NCF4: variants seen among roughly 807,000 people sequenced by gnomAD.
The protein encoded by NCF4 is neutrophil cytosolic factor 4.
A neutral mutation model predicts 41.7 loss-of-function variants in NCF4; 30 were observed. The observed-to-expected ratio is 0.72, with a 90% CI of 0.54 to 0.97. The LOEUF (loss-of-function observed/expected upper bound fraction) is 0.97. NCF4 is among the 50% of genes least tolerant of loss of function. The pLI, the probability that NCF4 is intolerant of heterozygous loss-of-function variation, is 0.00. For missense variants in NCF4, 432 were observed against 460.9 expected (o/e 0.94, Z 0.57); for synonymous variants, 195 against 175.8 (o/e 1.11, Z -0.87).
At chr22:36,869,136 C>A (rs1429041617) in intron 4 of NCF4, among the ~76,000 whole-genome samples, 2 of 152,148 alleles carry the variant, frequency 1.3e-5, no homozygotes, top group African/African-American at 2.4e-5. Flanking sequence ...TGTGACAGAG[C>A]AGTTAGGTAG....
intron 7 of NCF4, 82 bp from the exon 8 acceptor site, chr22:36,875,571 C>A: frequency 7.5e-7 from 1 of 1,340,386 alleles, no homozygotes; most frequent in Non-Finnish European, 1.1e-6. Flanking sequence ...TTCCCCATCA[C>A]TAGAACGGGG....
At chr22:36,864,835 C>G in intron 2 of NCF4, 84 bp from the exon 3 acceptor site, 1 of 1,539,670 alleles carries the variant, frequency 6.5e-7, no homozygotes, top group Non-Finnish European at 8.9e-7. Flanking sequence ...CTTCCTCCTC[C>G]TCCTCCTCCC....
chr22:36,863,049 T>C (rs1351096746), intron 1 of NCF4, among the ~76,000 whole-genome samples: 1 of 152,184 alleles, frequency 6.6e-6, no homozygotes, highest in African/African-American at 2.4e-5. Flanking sequence ...GAGCGGATAT[T>C]CCAGGGGACT....
At chr22:36,862,766 T>A (rs1939805830) in intron 1 of NCF4, among the ~76,000 whole-genome samples, 1 of 152,200 alleles carries the variant, frequency 6.6e-6, no homozygotes, top group South Asian at 2.1e-4. Flanking sequence ...CAGCGGGGAC[T>A]TTCTAGAACC....
intron 5 of NCF4, among the ~76,000 whole-genome samples, chr22:36,871,042 G>A (rs967203838): frequency 5.3e-5 from 8 of 152,160 alleles, no homozygotes; most frequent in African/African-American, 9.7e-5. Context: ...CAAGCCACTC[G>A]TAGACTGCTG....
chr22:36,875,546 G>T, intron 7 of NCF4, 107 bp from the exon 8 acceptor site: 2 of 1,017,426 alleles, frequency 2.0e-6, no homozygotes, highest in Non-Finnish European at 3.0e-6. Flanking sequence ...AAGAAGACCC[G>T]GACCTCATCT....
chr22:36,864,106 AAG>A lies in NCF4; in HGVS notation c.99_100del (p.Gly34LeufsTer93). On this transcript the variant is annotated frameshift_variant, in exon 2 of 10. Transcript: ENST00000248899. LOFTEE classifies it high-confidence loss of function. ...ISANIADIEE[K>X]RGFTSHFVFV... ...GGCCAACATTGCTGACATCGAGGAGAAGAGAGGCTTCACCAGCCACTTTGTAA... is the reference window on the plus strand; with the variant it reads ...GGCCAACATTGCTGACATCGAGGAGAAGAGGCTTCACCAGCCACTTTGTAA... The A allele has an allele frequency of 6.2e-7, 1 of 1,613,982 alleles. No homozygotes were observed. Among genetic ancestry groups the A allele is most frequent in the Non-Finnish European group, 8.5e-7 (1 of 1,179,910 alleles).
chr22:36,877,778 C>T lies in NCF4; in HGVS notation c.975C>T (p.His325=), dbSNP rs1940226888. 2.5e-6 allele frequency: 4 copies of T among 1,613,964 alleles called. No homozygotes were observed. The highest frequency in any genetic ancestry group is 3.3e-5 in the Admixed American group (2 of 59,996). Residue 325 remains histidine (H), a synonymous_variant, in exon 10 of 10, where the codon CAC becomes CAT. Transcript: ENST00000248899. The part of the protein sequence containing the change: ...SQKRLFPWKL[H]ITQKDNYRVY... ...AGCGCCTCTTCCCCTGGAAGCTGCA[C>T]ATCACGCAGAAGGACAACTACAGGG...
Position 36,875,738 on chromosome 22 carries a change from A to G in NCF4, c.713A>G (p.Asn238Ser). ...TTCCCTGAGGAGGACGACCCCACCA[A>G]CTGGCTGCGTTGCTACTACTACGAA... ...KDFPEEDDPT[N>S]WLRCYYYEDT... Residue 238 changes from asparagine (N) to serine (S), a missense_variant, in exon 8 of 10, where the codon AAC (asparagine) becomes AGC (serine). Coordinates refer to ENST00000248899, the MANE Select transcript of NCF4 (RefSeq NM_000631.5). The G allele has an allele frequency of 6.8e-6, 11 of 1,613,902 alleles. No homozygotes were observed. The highest frequency in any genetic ancestry group is 9.3e-6 in the Non-Finnish European group (11 of 1,180,006).
intron 9 of NCF4, among the ~76,000 whole-genome samples, chr22:36,877,416 C>T (rs772969451): frequency 3.9e-5 from 6 of 152,186 alleles, no homozygotes; most frequent in African/African-American, 1.2e-4. Flanking sequence ...GAATTATAAG[C>T]GTGAGCCACC....
chr22:36,872,261 A>C (rs1428258374), intron 6 of NCF4, 66 bp from the exon 7 acceptor site: 1 of 1,240,418 alleles, frequency 8.1e-7, no homozygotes, highest in Non-Finnish European at 1.2e-6. Context: ...TAAAGTATGT[A>C]AGGCACTTCT....
In NCF4 at chr22:36,868,302, G is replaced by A. The variant is rs544166445; in HGVS notation, c.342+840G>A. ...TGACTCTGACACTGACTGGCTGGGT[G>A]ATTTGGGGTGAGTTGCCCATCCTCT... On this transcript the variant is annotated intron_variant, in intron 4 of 9. Coordinates refer to ENST00000248899, the MANE Select transcript of NCF4 (RefSeq NM_000631.5). Among the ~76,000 whole-genome samples the A allele has an allele frequency of 3.6e-3, 556 of 152,368 alleles. 4 individuals carry two copies. The highest frequency in any genetic ancestry group is 5.6e-3 in the Non-Finnish European group (382 of 68,034).
At position 36,876,099 on chromosome 22, in the gene NCF4, G is replaced by A. The variant is rs183575813; in HGVS notation, c.824+5G>A. On this transcript the variant is annotated splice_donor_5th_base_variant and intron_variant, in intron 9 of 9. Coordinates refer to ENST00000248899, the MANE Select transcript of NCF4 (RefSeq NM_000631.5). ...AGACCTGCTGGAGCTCACAAGGTGA[G>A]GGGCTGGGAATGGGGCTGGGGAGTT... 408 of 1,604,530 alleles carry A rather than the reference G, an allele frequency of 2.5e-4. 1 individual carries two copies. In the African/African-American group the frequency reaches 5.0e-3, roughly 20 times the overall value.
intron 3 of NCF4, 50 bp from the exon 4 acceptor site, chr22:36,867,342 C>T (rs1192449493): frequency 7.5e-6 from 12 of 1,604,924 alleles, no homozygotes; most frequent in South Asian, 3.3e-5. Context: ...CCCTGAGCCC[C>T]GGGGCCATGT....
chr22:36,868,503 A>T (rs1437957125), intron 4 of NCF4, among the ~76,000 whole-genome samples: 4 of 150,688 alleles, frequency 2.7e-5, no homozygotes, highest in Admixed American at 2.6e-4. Context: ...AGGGCAGAGG[A>T]GGTGGGAGGA....
chr22:36,866,284 C>T lies in NCF4; in HGVS notation c.272-1108C>T, dbSNP rs529622493. 6.6e-5 allele frequency among the ~76,000 whole-genome samples: 10 copies of T among 152,130 alleles called. No individual in the cohort carries two copies. The East Asian group carries it at 1.9e-3, about 30-fold the overall frequency. ...CTGAAATTCCTCTCGGTGAGGTGGG[C>T]CATGACCCATCAATTCTGGCTTCCA... On this transcript the variant is annotated intron_variant, in intron 3 of 9. Coordinates refer to ENST00000248899, the MANE Select transcript of NCF4 (RefSeq NM_000631.5).
chr22:36,870,285 T>A, intron 4 of NCF4, 130 bp from the exon 5 acceptor site: 1 of 1,302,224 alleles, frequency 7.7e-7, no homozygotes, highest in Admixed American at 1.7e-5. Flanking sequence ...AACGCATTTC[T>A]GTTATCAGGC....
intron 7 of NCF4, among the ~76,000 whole-genome samples, chr22:36,873,399 G>A (rs1485564860): frequency 6.6e-6 from 1 of 151,676 alleles, no homozygotes; most frequent in Non-Finnish European, 1.5e-5. Flanking sequence ...ATGCAGGTAA[G>A]GTTAGGCTGA....
Position 36,877,748 on chromosome 22 carries a change from C to T in NCF4, c.945C>T (p.Ser315=). Residue 315 remains serine, a synonymous_variant, in exon 10 of 10, where the codon TCC becomes TCT. Transcript: ENST00000248899. ...LMVRQARGLP[S]QKRLFPWKLH... is the part of the protein sequence containing the mutation. ...TGCGGCAGGCTCGTGGCCTCCCCTC[C>T]CAGAAGCGCCTCTTCCCCTGGAAGC... 1 of 1,614,110 alleles carries T rather than the reference C, an allele frequency of 6.2e-7. No individual in the cohort carries two copies. The highest frequency in any genetic ancestry group is 8.5e-7 in the Non-Finnish European group (1 of 1,180,024).
Sources: allele counts gnomAD v4.1 joint callset (sites outside exome capture counted in the v4.1 genomes callset), GRCh38; gene constraint gnomAD v4.1.1; transcripts MANE v1.5; gene names NCBI Gene and HGNC (gene_info 2026-07-23, HGNC 2026-07-21).